Variants in PCDH15 observed in about 807,000 individuals in gnomAD.
PCDH15 encodes the protein protocadherin-15.
Under a neutral mutation model 178.5 loss-of-function variants are expected in PCDH15, and 129 were observed. The observed-to-expected ratio is 0.72, with a 90% CI of 0.63 to 0.84. PCDH15 has a LOEUF of 0.84. PCDH15 is among the 40% of genes least tolerant of loss of function. PCDH15 has a pLI of 0.00. For synonymous variants in PCDH15, 800 were observed against 732.0 expected (o/e 1.09, Z -1.50); for missense variants, 2,230 against 2,099.9 (o/e 1.06, Z -1.21).
intron 2 of PCDH15, among the ~76,000 whole-genome samples, chr10:55,357,858 C>T (rs1565052483): frequency 6.6e-6 from 1 of 152,002 alleles, no homozygotes; most frequent in Non-Finnish European, 1.5e-5. Context: ...CCATACATTT[C>T]AGTGTTTCCC....
At chr10:54,735,630 T>C (rs1943998496) in intron 1 of PCDH15, among the ~76,000 whole-genome samples, 2 of 131,474 alleles carry the variant, frequency 1.5e-5, no homozygotes, top group Non-Finnish European at 3.3e-5. Flanking sequence ...TGTCCAACAA[T>C]GATAGACTGG....
At chr10:54,849,276 C>A (rs1221656847) in intron 3 of PCDH15, among the ~76,000 whole-genome samples, 1 of 152,124 alleles carries the variant, frequency 6.6e-6, no homozygotes, top group African/African-American at 2.4e-5. Context: ...TCTGTGTCTT[C>A]TTCTGCTTAC....
At chr10:55,425,340 A>T (rs1380027458) in intron 2 of PCDH15, among the ~76,000 whole-genome samples, 1 of 152,194 alleles carries the variant, frequency 6.6e-6, no homozygotes, top group East Asian at 1.9e-4. Context: ...AGTCATGGAA[A>T]AAACTAACAA....
At chr10:54,145,790 A>C (rs1303425454) in intron 14 of PCDH15, among the ~76,000 whole-genome samples, 1 of 152,092 alleles carries the variant, frequency 6.6e-6, no homozygotes, top group African/African-American at 2.4e-5. Flanking sequence ...ATCTGTTGAT[A>C]TAAACTTCAT....
At chr10:55,313,641 C>T (rs1031672726) in intron 1 of PCDH15, among the ~76,000 whole-genome samples, 1 of 152,072 alleles carries the variant, frequency 6.6e-6, no homozygotes, top group Non-Finnish European at 1.5e-5. Context: ...GTAAATAGTT[C>T]CGTCTTCACA....
At chr10:54,333,351 T>C (rs1250648325) in intron 6 of PCDH15, among the ~76,000 whole-genome samples, 2 of 152,140 alleles carry the variant, frequency 1.3e-5, no homozygotes, top group Non-Finnish European at 2.9e-5. Flanking sequence ...GCCACTGTAT[T>C]AAATTTAATT....
At chr10:54,062,253 C>T (rs10825213) in intron 18 of PCDH15, among the ~76,000 whole-genome samples, 7 of 75,882 alleles carry the variant, frequency 9.2e-5, no homozygotes, top group Admixed American at 1.8e-4. Context: ...AAAAAAAAAA[C>T]AAAAAACAAC....
rs531069271 is a variant in PCDH15 at position 54,867,578 on chromosome 10, A to G, written c.-29+29872T>C. ...AAGGGGAGTTAGAATTTAACTTCAA[A>G]TCTTTTATTTTCAAGAAGATATGGG... On this transcript the variant is annotated intron_variant, in intron 3 of 5. Transcript: ENST00000458638. 5.6e-4 allele frequency among the ~76,000 whole-genome samples: 86 copies of G among 152,220 alleles called. No individual in the cohort carries two copies. In the South Asian group the frequency reaches 0.017, roughly 30 times the overall value.
chr10:53,960,232 T>C (rs575417952), intron 22 of PCDH15, among the ~76,000 whole-genome samples: 4 of 152,280 alleles, frequency 2.6e-5, no homozygotes, highest in African/African-American at 4.8e-5. Context: ...ATACACTTAT[T>C]TAAGAAGTGT....
chr10:53,809,343 C>A, intron 37 of PCDH15: 3 of 1,613,212 alleles, frequency 1.9e-6, no homozygotes, highest in Non-Finnish European at 2.5e-6. Context: ...GTCTCTGCCA[C>A]TCTTCACCCT....
intron 2 of PCDH15, among the ~76,000 whole-genome samples, chr10:55,576,199 A>G (rs1279715978): frequency 2.0e-5 from 3 of 152,220 alleles, no homozygotes; most frequent in Admixed American, 2.0e-4. Flanking sequence ...GAATTAACAA[A>G]TATTTTTCAT....
chr10:53,996,747 G>A (rs962764553), intron 20 of PCDH15, among the ~76,000 whole-genome samples: 1 of 151,904 alleles, frequency 6.6e-6, no homozygotes, highest in Non-Finnish European at 1.5e-5. Context: ...TATTCATATG[G>A]CAGATTTATT....
At chr10:55,230,193 A>G (rs1841171524) in intron 1 of PCDH15, among the ~76,000 whole-genome samples, 4 of 152,048 alleles carry the variant, frequency 2.6e-5, no homozygotes. Context: ...AAGATCACAG[A>G]TTAAAATTTT....
At chr10:54,357,503 G>T (rs1945216925) in intron 5 of PCDH15, among the ~76,000 whole-genome samples, 1 of 152,154 alleles carries the variant, frequency 6.6e-6, no homozygotes, top group African/African-American at 2.4e-5. Context: ...ACTGCTCAAT[G>T]AAATAAAAGA....
At chr10:54,064,825 C>A (rs561072468) in intron 18 of PCDH15, among the ~76,000 whole-genome samples, 39 of 152,306 alleles carry the variant, frequency 2.6e-4, no homozygotes, top group African/African-American at 8.7e-4. Flanking sequence ...GGCAGGGGAG[C>A]TTCCTGGATC....
intron 3 of PCDH15, among the ~76,000 whole-genome samples, chr10:54,414,622 T>C (rs1476745402): frequency 6.6e-6 from 1 of 152,178 alleles, no homozygotes; most frequent in Non-Finnish European, 1.5e-5. Context: ...TCAGGCTATA[T>C]GAAAATATTA....
At chr10:54,526,971 A>G (rs2083420743) in intron 3 of PCDH15, among the ~76,000 whole-genome samples, 1 of 152,154 alleles carries the variant, frequency 6.6e-6, no homozygotes, top group African/African-American at 2.4e-5. Context: ...TTTTGTAAAA[A>G]ATATGAAAGT....
intron 2 of PCDH15, among the ~76,000 whole-genome samples, chr10:54,571,087 C>A (rs1207238112): frequency 6.6e-6 from 1 of 151,918 alleles, no homozygotes; most frequent in South Asian, 2.1e-4. Context: ...GAGCCCAATG[C>A]CCTAAAACAG....
chr10:54,589,772 A>C (rs1377708452), intron 2 of PCDH15, among the ~76,000 whole-genome samples: 3 of 151,826 alleles, frequency 2.0e-5, no homozygotes, highest in Non-Finnish European at 4.4e-5. Flanking sequence ...TAATTTTTCT[A>C]TTTTTAGTAG....
Sources: allele counts gnomAD v4.1 joint callset (sites outside exome capture counted in the v4.1 genomes callset), GRCh38; gene constraint gnomAD v4.1.1; transcripts MANE v1.5; gene names NCBI Gene and HGNC (gene_info 2026-07-23, HGNC 2026-07-21).